Variants in DFFA observed in about 807,000 individuals in gnomAD.
DFFA encodes DNA fragmentation factor subunit alpha.
Under a neutral mutation model 28.0 loss-of-function variants are expected in DFFA, and 14 were observed. That is an observed-to-expected ratio of 0.50 (90% CI 0.33 to 0.78). The LOEUF is 0.78. Among genes scored for constraint, DFFA ranks in the 30% least tolerant of loss-of-function variants. The pLI, the probability that DFFA is intolerant of heterozygous loss-of-function variation, is 0.02. For missense variants in DFFA, 395 were observed against 407.1 expected, an observed-to-expected ratio of 0.97 and a Z score of 0.26; for synonymous variants, 158 against 170.3, an observed-to-expected ratio of 0.93 and a Z score of 0.56.
In DFFA at chr1:10,469,181, ATTG is replaced by A. The variant is rs760395202; in HGVS notation, c.291_293del (p.Asn98del). On this transcript the variant is annotated inframe_deletion, in exon 2 of 6. Transcript: ENST00000377038. ...TACATGGCTAGAGTTTCTTACCTGAATTGTTGTATGCCCATTTCTCATTACTAG... is the reference window on the plus strand; with the variant it reads ...TACATGGCTAGAGTTTCTTACCTGAATTGTATGCCCATTTCTCATTACTAG... The A allele has an allele frequency of 1.0e-4, 164 of 1,614,096 alleles. 3 individuals carry two copies. The South Asian group carries it at 1.7e-3, about 17-fold the overall frequency.
chr1:10,466,738 AT>A (rs1641028493), intron 3 of DFFA, among the ~76,000 whole-genome samples: 1 of 151,890 alleles, frequency 6.6e-6, no homozygotes, highest in South Asian at 2.1e-4. Flanking sequence ...AGGCAGGTGG[AT>A]CACTTGAACT....
In DFFA at chr1:10,458,834, G is replaced by C. The variant is rs908954151; in HGVS notation, c.*2656C>G. 4.0e-5 allele frequency: 6 copies of C among 151,518 alleles called. No individual in the cohort carries two copies. The highest frequency in any genetic ancestry group is 3.3e-4 in the Admixed American group (5 of 15,124). The allele number at this position is 151,518 out of a possible 1,614,324, so 9.4% of individuals were successfully genotyped here. ...CTGCAGGTGTGAGCCACTGCGCCCG[G>C]CCTATTGTGACATATTGTGATATTT... On this transcript the variant is annotated 3_prime_UTR_variant, in exon 6 of 6. Transcript: ENST00000377038.
intron 3 of DFFA, 104 bp from the exon 4 acceptor site, chr1:10,463,724 G>A: frequency 8.3e-7 from 1 of 1,206,590 alleles, no homozygotes; most frequent in Non-Finnish European, 1.1e-6. Context: ...GAGTGCGATG[G>A]TGTGATCTCG....
chr1:10,462,059 C>T lies in DFFA; in HGVS notation c.784-357G>A, dbSNP rs138622972. Among the ~76,000 whole-genome samples, 235 of 152,280 alleles carry T rather than the reference C, an allele frequency of 1.5e-3. 1 individual carries two copies. Among genetic ancestry groups the T allele is most frequent in the East Asian group, 0.014 (71 of 5,174 alleles). On this transcript the variant is annotated intron_variant, in intron 5 of 5. Coordinates refer to ENST00000377038, the MANE Select transcript of DFFA (RefSeq NM_004401.3). ...TTTTTTAGTAGAGACGGGGTTTCAC[C>T]GTGTTCGCCAGGATGGTCTCGATCT...
At chr1:10,470,820 T>C (rs1247919014) in intron 1 of DFFA, among the ~76,000 whole-genome samples, 1 of 148,296 alleles carries the variant, frequency 6.7e-6, no homozygotes, top group African/African-American at 2.5e-5. Flanking sequence ...TCCCAGCACT[T>C]TGGGAGGCCG....
chr1:10,472,351 G>A lies in DFFA; in HGVS notation c.108C>T (p.Ala36=). The stretch of plus-strand genomic sequence containing the variant: ...TGCTCCTCAGGTCTTCGAGGCAGGA[G>A]GCGGCCACGCCGTGCTGTTCGCGGC... ...NYSREQHGVA[A]SCLEDLRSKA... is the part of the protein sequence containing the mutation. The change falls in exon 1 of 6, where the codon GCC becomes GCT. Residue 36 remains alanine, a synonymous_variant. Transcript: ENST00000377038. The surrounding 1 kb of genome is among the most constrained non-coding windows in gnomAD (Gnocchi z 5.0). 1.9e-6 allele frequency: 3 copies of A among 1,608,464 alleles called. No individual in the cohort carries two copies. The highest frequency in any genetic ancestry group is 2.5e-6 in the Non-Finnish European group (3 of 1,176,714).
At chr1:10,465,232 C>A (rs1641004844) in intron 3 of DFFA, among the ~76,000 whole-genome samples, 1 of 151,980 alleles carries the variant, frequency 6.6e-6, no homozygotes. Context: ...GTAGCTGGGA[C>A]TACAGGCACA....
intron 1 of DFFA, among the ~76,000 whole-genome samples, chr1:10,470,224 CTTG>C (rs1484816909): frequency 6.6e-6 from 1 of 152,066 alleles, no homozygotes; most frequent in Non-Finnish European, 1.5e-5. Flanking sequence ...GGTTAAGTAA[CTTG>C]TCTAAGATCA....
chr1:10,467,442 AG>A, intron 2 of DFFA, 110 bp from the exon 3 acceptor site: 2 of 1,197,322 alleles, frequency 1.7e-6, no homozygotes, highest in Non-Finnish European at 2.4e-6. Context: ...TCAATGGGAA[AG>A]AAGCATCTTA....
chr1:10,460,463 ATG>A lies in DFFA; in HGVS notation c.*1025_*1026del, dbSNP rs1640912258. 6.7e-6 allele frequency: 1 copy of A among 149,410 alleles called. No individual in the cohort carries two copies. The highest frequency in any genetic ancestry group is 1.5e-5 in the Non-Finnish European group (1 of 67,718). 9.3% of individuals were successfully genotyped at this position (149,410 alleles called of 1,614,324 possible). A position where few individuals can be genotyped will look rare whatever the true frequency, so the allele number is the denominator to read the frequency against. The stretch of plus-strand genomic sequence containing the variant: ...AGGTTGGTCTTGAACTCCTGACCTC[ATG>A]TGATCCGCCTGCATCGGCCTCCAAA... On this transcript the variant is annotated 3_prime_UTR_variant, in exon 6 of 6. Transcript: ENST00000377038.
At chr1:10,465,075 G>A (rs1641003060) in intron 3 of DFFA, among the ~76,000 whole-genome samples, 1 of 149,990 alleles carries the variant, frequency 6.7e-6, no homozygotes, top group Admixed American at 6.7e-5. Flanking sequence ...AACCTGTGAA[G>A]ACCTCCTCTC....
chr1:10,463,670 TC>T (rs1557793631), intron 3 of DFFA, 50 bp from the exon 4 acceptor site: 2 of 1,534,774 alleles, frequency 1.3e-6, no homozygotes, highest in Admixed American at 2.1e-5. Flanking sequence ...TTTCTGACTT[TC>T]TTTTTTTTTT....
chr1:10,457,638 A>T lies in DFFA; in HGVS notation c.*3852T>A, dbSNP rs1261797090. 6.6e-6 allele frequency: 1 copy of T among 152,274 alleles called. No individual in the cohort carries two copies. Among genetic ancestry groups the T allele is most frequent in the Non-Finnish European group, 1.5e-5 (1 of 68,120 alleles). The allele number at this position is 152,274 out of a possible 1,614,324, so 9.4% of individuals were successfully genotyped here. ...GGTTGCAGTGAGCAGAGATTGTGCC[A>T]CTACACTCCAGCCTGGGCAACAGAG... On this transcript the variant is annotated 3_prime_UTR_variant, in exon 6 of 6. Coordinates refer to ENST00000377038, the MANE Select transcript of DFFA (RefSeq NM_004401.3).
chr1:10,461,725 TG>T (rs759565708), intron 5 of DFFA, 23 bp from the exon 6 acceptor site: 69 of 1,613,082 alleles, frequency 4.3e-5, no homozygotes, highest in Non-Finnish European at 5.4e-5. Context: ...TAAAAACCCC[TG>T]AGAACTGGGC....
At chr1:10,462,544 G>A (rs1019017872) in intron 5 of DFFA, 12 of 990,742 alleles carry the variant, frequency 1.2e-5, no homozygotes, top group Non-Finnish European at 1.4e-5. Context: ...CAAGTCAACA[G>A]TTTCCTTCCC....
Position 10,463,121 on chromosome 1 carries a change from G to C in DFFA, c.720C>G (p.His240Gln). 1 of 1,614,168 alleles carries C rather than the reference G, an allele frequency of 6.2e-7. No individual in the cohort carries two copies. The highest frequency in any genetic ancestry group is 1.6e-4 in the Middle Eastern group (1 of 6,062). Reference sequence around the variant, plus strand: ...GCTTCTCCCTCAGTGCAGTAAGGATGTGGCTCGCCAGCGCAACGTCCGAGG... The same window carrying C: ...GCTTCTCCCTCAGTGCAGTAAGGATCTGGCTCGCCAGCGCAACGTCCGAGG... ...ETSSDVALAS[H>Q]ILTALREKQA... The change falls in exon 5 of 6, where the codon CAC becomes CAG. Residue 240 changes from histidine (H) to glutamine (Q), a missense_variant. Transcript: ENST00000377038.
At chr1:10,462,659 C>T (rs1228737554) in intron 5 of DFFA, 1 of 1,024,522 alleles carries the variant, frequency 9.8e-7, no homozygotes, top group Non-Finnish European at 1.2e-6. Context: ...GCTCCCTGGT[C>T]TTAGCCAGCA....
At position 10,461,547 on chromosome 1, in the gene DFFA, C is replaced by T; in HGVS notation, c.939G>A (p.Lys313=). 1.2e-6 allele frequency: 2 copies of T among 1,614,106 alleles called. No homozygotes were observed. The highest frequency in any genetic ancestry group is 1.7e-6 in the Non-Finnish European group (2 of 1,180,006). ...LHSLRSISAS[K]ASPPGDLQNP... Reference sequence around the variant, plus strand: ...TCTGCAGGTCACCAGGTGGTGAGGCCTTGCTTGCTGAGATGCTCCGGAGAG... The same window carrying T: ...TCTGCAGGTCACCAGGTGGTGAGGCTTTGCTTGCTGAGATGCTCCGGAGAG... The change falls in exon 6 of 6, where the codon AAG becomes AAA. Residue 313 remains lysine, a synonymous_variant. Transcript: ENST00000377038.
chr1:10,469,955 A>ACAG (rs1437460236), intron 1 of DFFA, among the ~76,000 whole-genome samples: 1 of 150,728 alleles, frequency 6.6e-6, no homozygotes, highest in African/African-American at 2.4e-5. Flanking sequence ...AGCTGGGACT[A>ACAG]CAGGCACCGG....
Sources: allele counts gnomAD v4.1 joint callset (sites outside exome capture counted in the v4.1 genomes callset), GRCh38; gene constraint gnomAD v4.1.1; non-coding constraint Gnocchi (gnomAD v3.1); transcripts MANE v1.5; gene names NCBI Gene and HGNC (gene_info 2026-07-23, HGNC 2026-07-21).